Variants in TNRC6A observed in about 807,000 individuals in gnomAD.
TNRC6A encodes trinucleotide repeat-containing gene 6A protein.
A neutral mutation model predicts 221.2 loss-of-function variants in TNRC6A; 44 were observed. That is an observed-to-expected ratio of 0.20 (90% CI 0.16 to 0.26). The LOEUF is 0.26. Ranked by LOEUF, TNRC6A falls within the 10% of genes least tolerant of loss-of-function variation. The pLI, the probability that TNRC6A is intolerant of heterozygous loss-of-function variation, is 1.00. For synonymous variants in TNRC6A, 847 were observed against 838.5 expected (o/e 1.01, Z -0.18); for missense variants, 2,199 against 2,404.4 (o/e 0.91, Z 1.79).
rs574642780 is a variant in TNRC6A, at chr16:24,793,870, A to G, written c.3352+221A>G. On this transcript the variant is annotated intron_variant, in intron 7 of 24. Transcript: ENST00000395799. ...ATATTTCTTAGAACTGTAACTATTCATTTGCATATACTTCATCAAATCTAA... is the reference window on the plus strand; with the variant it reads ...ATATTTCTTAGAACTGTAACTATTCGTTTGCATATACTTCATCAAATCTAA... 5.3e-5 allele frequency among the ~76,000 whole-genome samples: 8 copies of G among 152,260 alleles called. No homozygotes were observed. In the East Asian group the frequency reaches 1.2e-3, roughly 22 times the overall value.
chr16:24,789,271 C>T lies in TNRC6A; in HGVS notation c.629C>T (p.Ser210Phe). ...ACTTCAGGATCCCATTATGAAAATT[C>T]CCAGCGGGGACCTGTGTCTTCTACA... is the stretch of plus-strand genomic sequence containing the variant. Reference protein sequence around the residue: ...HSTSGSHYENSQRGPVSSTSD... With the variant: ...HSTSGSHYENFQRGPVSSTSD... The change falls in exon 6 of 25, where the codon TCC (serine) becomes TTC (phenylalanine). Residue 210 changes from serine (S) to phenylalanine (F), a missense_variant. Transcript: ENST00000395799. 1 of 1,610,164 alleles carries T rather than the reference C, an allele frequency of 6.2e-7. No homozygotes were observed.
chr16:24,726,075 G>A (rs1041983314), upstream of TNRC6A, among the ~76,000 whole-genome samples: 16 of 151,918 alleles, frequency 1.1e-4, no homozygotes, highest in African/African-American at 3.9e-4. Context: ...AACCAGAGAA[G>A]CCAGTCCTAG....
intron 2 of TNRC6A, among the ~76,000 whole-genome samples, chr16:24,666,428 G>A (rs1451123360): frequency 2.1e-5 from 3 of 146,216 alleles, no homozygotes; most frequent in South Asian, 4.4e-4. Context: ...AGTCGAGATC[G>A]CGCCACTGCA....
intron 4 of TNRC6A, among the ~76,000 whole-genome samples, chr16:24,775,393 GAA>G (rs951263993): frequency 6.7e-6 from 1 of 148,210 alleles, no homozygotes; most frequent in East Asian, 2.0e-4. Context: ...AAGTCACATG[GAA>G]AAAAAAAAAG....
At chr16:24,773,411 T>C (rs910712006) in intron 4 of TNRC6A, among the ~76,000 whole-genome samples, 1 of 152,248 alleles carries the variant, frequency 6.6e-6, no homozygotes, top group African/African-American at 2.4e-5. Flanking sequence ...GGCAGATTTT[T>C]ATTTGCTAGT....
chr16:24,648,562 G>A (rs111715829), intron 2 of TNRC6A, among the ~76,000 whole-genome samples: 2,265 of 152,126 alleles, frequency 0.015, 27 homozygotes, highest in Middle Eastern at 0.044. Context: ...GAGCCACCGC[G>A]CCCGGCCCAC....
intron 5 of TNRC6A, chr16:24,778,266 C>T (rs2057768265): frequency 1.0e-6 from 1 of 984,836 alleles, no homozygotes. Flanking sequence ...CAGGTAGTTA[C>T]TCACTTTCTA....
chr16:24,815,328 C>A (rs1171145212), intron 19 of TNRC6A, 23 bp downstream of exon 19: 12 of 1,612,648 alleles, frequency 7.4e-6, no homozygotes, highest in Non-Finnish European at 9.3e-6. Context: ...CTAACACTTT[C>A]TTTCATGAGA....
chr16:24,643,083 A>AT (rs1902054833), intron 2 of TNRC6A, among the ~76,000 whole-genome samples: 1 of 136,852 alleles, frequency 7.3e-6, no homozygotes, highest in Non-Finnish European at 1.5e-5. Context: ...TATATATTAT[A>AT]TATATATATT....
intron 18 of TNRC6A, among the ~76,000 whole-genome samples, chr16:24,813,327 C>T (rs1180781933): frequency 6.6e-6 from 1 of 152,172 alleles, no homozygotes; most frequent in Non-Finnish European, 1.5e-5. Flanking sequence ...AGTAGTTTTT[C>T]AACCCTTGCC....
At position 24,823,510 on chromosome 16, in the gene TNRC6A, G is replaced by A; in HGVS notation, c.5592G>A (p.Gln1864=). 1 of 1,614,162 alleles carries A rather than the reference G, an allele frequency of 6.2e-7. No individual in the cohort carries two copies. The highest frequency in any genetic ancestry group is 8.5e-7 in the Non-Finnish European group (1 of 1,180,024). ...EEISRFFAQS[Q]SLTPSPGWQS... is the part of the protein sequence containing the mutation. ...TCAGTCGTTTCTTTGCACAAAGCCA[G>A]TCTCTGACCCCTTCTCCCGGCTGGC... The change falls in exon 25 of 25, where the codon CAG becomes CAA. Residue 1864 remains glutamine (Q), a synonymous_variant. Coordinates refer to ENST00000395799, the MANE Select transcript of TNRC6A (RefSeq NM_014494.4). The surrounding 1 kb of genome is among the most constrained non-coding windows in gnomAD (Gnocchi z 4.3).
At chr16:24,697,988 A>C (rs2055895068) in intron 2 of TNRC6A, among the ~76,000 whole-genome samples, 3 of 145,116 alleles carry the variant, frequency 2.1e-5, no homozygotes. Context: ...GCACCACTGC[A>C]CTCCAGCCTG....
intron 2 of TNRC6A, among the ~76,000 whole-genome samples, chr16:24,673,282 A>G (rs893009829): frequency 1.3e-5 from 2 of 152,248 alleles, no homozygotes; most frequent in African/African-American, 4.8e-5. Context: ...GAGGGTAAGT[A>G]GAAAAGTAAG....
At chr16:24,671,414 G>T (rs146237488) in intron 2 of TNRC6A, among the ~76,000 whole-genome samples, 1 of 152,220 alleles carries the variant, frequency 6.6e-6, no homozygotes, top group African/African-American at 2.4e-5. Context: ...GGACTCTGGG[G>T]TGCTGAAGAT....
chr16:24,810,947 C>G (rs1263281473), intron 18 of TNRC6A, among the ~76,000 whole-genome samples: 2 of 152,184 alleles, frequency 1.3e-5, no homozygotes, highest in Non-Finnish European at 2.9e-5. Flanking sequence ...GCCTGAAACA[C>G]TTGCATAACT....
chr16:24,617,646 GATATTAT>G (rs1900434461), intron 1 of TNRC6A, among the ~76,000 whole-genome samples: 1 of 152,156 alleles, frequency 6.6e-6, no homozygotes, highest in African/African-American at 2.4e-5. Flanking sequence ...GGTAGGTATT[GATATTAT>G]ACCCATTGCA....
chr16:24,765,405 C>T (rs1335036407), intron 4 of TNRC6A, among the ~76,000 whole-genome samples: 1 of 152,162 alleles, frequency 6.6e-6, no homozygotes, highest in African/African-American at 2.4e-5. Context: ...CACCCCATCT[C>T]CCCATAGCCT....
At chr16:24,714,838 T>C (rs1161137044) in intron 2 of TNRC6A, among the ~76,000 whole-genome samples, 1 of 151,940 alleles carries the variant, frequency 6.6e-6, no homozygotes, top group African/African-American at 2.4e-5. Context: ...TCAATAATAT[T>C]TTCCTACTTT....
chr16:24,766,534 G>A (rs1276509556), intron 4 of TNRC6A, among the ~76,000 whole-genome samples: 1 of 152,126 alleles, frequency 6.6e-6, no homozygotes, highest in Non-Finnish European at 1.5e-5. Flanking sequence ...GAATCACAGT[G>A]CAGTGCAAGG....
Sources: allele counts gnomAD v4.1 joint callset (sites outside exome capture counted in the v4.1 genomes callset), GRCh38; gene constraint gnomAD v4.1.1; non-coding constraint Gnocchi (gnomAD v3.1); transcripts MANE v1.5; gene names NCBI Gene and HGNC (gene_info 2026-07-23, HGNC 2026-07-21).